TBC1D22A: variants seen among roughly 807,000 people sequenced by gnomAD.
The protein encoded by TBC1D22A is TBC1 domain family member 22A, also known as putative GTPase activator.
A neutral mutation model predicts 60.2 loss-of-function variants in TBC1D22A; 38 were observed. That is an observed-to-expected ratio of 0.63 (90% CI 0.49 to 0.83). The LOEUF is 0.83. Among genes scored for constraint, TBC1D22A ranks in the 40% least tolerant of loss-of-function variants. TBC1D22A has a pLI of 0.00. For missense variants in TBC1D22A, 628 were observed against 701.0 expected, an observed-to-expected ratio of 0.90 and a Z score of 1.18; for synonymous variants, 302 against 281.7, an observed-to-expected ratio of 1.07 and a Z score of -0.72.
chr22:47,018,248 G>T (rs752157128), intron 10 of TBC1D22A, among the ~76,000 whole-genome samples: 1 of 152,248 alleles, frequency 6.6e-6, no homozygotes, highest in African/African-American at 2.4e-5. Context: ...CCTGTGTTTC[G>T]TCTGCAGCGG....
At chr22:46,921,757 T>G (rs1484465773) in intron 8 of TBC1D22A, among the ~76,000 whole-genome samples, 1 of 152,210 alleles carries the variant, frequency 6.6e-6, no homozygotes, top group Admixed American at 6.5e-5. Context: ...ATCTGTTTTT[T>G]TTTTTGACTT....
chr22:47,115,293 G>A (rs187790259), intron 12 of TBC1D22A, among the ~76,000 whole-genome samples: 5 of 152,158 alleles, frequency 3.3e-5, no homozygotes, highest in Admixed American at 2.0e-4. Context: ...TTGCTAATCC[G>A]CAGGCTATAT....
chr22:46,919,526 T>G (rs2070607080), intron 8 of TBC1D22A, among the ~76,000 whole-genome samples: 1 of 152,100 alleles, frequency 6.6e-6, no homozygotes, highest in Non-Finnish European at 1.5e-5. Context: ...CGTGTAGATA[T>G]GTGTTTCCAT....
intron 10 of TBC1D22A, among the ~76,000 whole-genome samples, chr22:47,016,613 C>T (rs1345327107): frequency 1.3e-5 from 2 of 152,286 alleles, no homozygotes; most frequent in East Asian, 1.9e-4. Context: ...AGAACTCTGC[C>T]GTCCCGAAGC....
chr22:46,782,501 G>A (rs1481920181), intron 1 of TBC1D22A, among the ~76,000 whole-genome samples: 1 of 152,180 alleles, frequency 6.6e-6, no homozygotes, highest in East Asian at 1.9e-4. Flanking sequence ...GAGATACCAC[G>A]TACATACCAC....
At chr22:46,932,619 G>T (rs1415050816) in intron 8 of TBC1D22A, among the ~76,000 whole-genome samples, 1 of 152,086 alleles carries the variant, frequency 6.6e-6, no homozygotes, top group Non-Finnish European at 1.5e-5. Flanking sequence ...GGAGCCTTGG[G>T]TGGGTGGCAA....
chr22:46,965,735 G>C (rs993466763), intron 8 of TBC1D22A, among the ~76,000 whole-genome samples: 1 of 152,350 alleles, frequency 6.6e-6, no homozygotes, highest in South Asian at 2.1e-4. Context: ...GCCTCATCCC[G>C]TCCCTGTGGC....
chr22:46,817,183 G>A (rs903778084), intron 4 of TBC1D22A, among the ~76,000 whole-genome samples: 1 of 151,734 alleles, frequency 6.6e-6, no homozygotes, highest in Non-Finnish European at 1.5e-5. Flanking sequence ...CCCATTGGCT[G>A]TAATAAGTGG....
chr22:46,978,570 G>A (rs1358161099), intron 9 of TBC1D22A, among the ~76,000 whole-genome samples: 1 of 152,150 alleles, frequency 6.6e-6, no homozygotes, highest in Non-Finnish European at 1.5e-5. Flanking sequence ...AGAAAATCCA[G>A]CATTACATAG....
At position 47,130,702 on chromosome 22, in the gene TBC1D22A, C is replaced by A. The variant is rs1240514245; in HGVS notation, c.1425+19099C>A. ...CATCTTGCTGGAGCAGTCTGTGGGACCCTGCGGTCTGCAAAACTCAAGGTT... is the reference window on the plus strand; with the variant it reads ...CATCTTGCTGGAGCAGTCTGTGGGAACCTGCGGTCTGCAAAACTCAAGGTT... On this transcript the variant is annotated intron_variant, in intron 12 of 12. Transcript: ENST00000337137. Among the ~76,000 whole-genome samples, 8 of 152,276 alleles carry A rather than the reference C, an allele frequency of 5.3e-5. No individual in the cohort carries two copies. The East Asian group carries it at 7.7e-4, about 15-fold the overall frequency.
intron 11 of TBC1D22A, among the ~76,000 whole-genome samples, chr22:47,042,430 GGAGA>G (rs10603078): frequency 1.3e-5 from 2 of 151,408 alleles, no homozygotes; most frequent in South Asian, 4.2e-4. Flanking sequence ...GGAAGAGAGA[GGAGA>G]GAGAGAGAGA....
chr22:46,815,246 G>A (rs1249856479), intron 4 of TBC1D22A, among the ~76,000 whole-genome samples: 2 of 152,304 alleles, frequency 1.3e-5, no homozygotes, highest in South Asian at 4.1e-4. Flanking sequence ...GCGAGGACTC[G>A]GTGTTAAACA....
chr22:47,071,873 G>C (rs1191766897), intron 11 of TBC1D22A, among the ~76,000 whole-genome samples: 1 of 152,150 alleles, frequency 6.6e-6, no homozygotes, highest in African/African-American at 2.4e-5. Flanking sequence ...GCCTCTCCCT[G>C]GGTTGTGATG....
rs139974462 is a variant in TBC1D22A, at chr22:46,981,094, G to A, written c.1125+6695G>A. Among the ~76,000 whole-genome samples, 404 of 152,328 alleles carry A rather than the reference G, an allele frequency of 2.7e-3. 1 individual carries two copies. Among genetic ancestry groups the A allele is most frequent in the African/African-American group, 8.9e-3 (369 of 41,564 alleles). ...GCCCATATGTAGCTGTGTAATAGCC[G>A]TGGAGCTATTAAATGAGATAGATTT... On this transcript the variant is annotated intron_variant, in intron 9 of 12. Transcript: ENST00000337137.
At chr22:46,826,622 C>T (rs2086078118) in intron 4 of TBC1D22A, among the ~76,000 whole-genome samples, 1 of 152,146 alleles carries the variant, frequency 6.6e-6, no homozygotes, top group African/African-American at 2.4e-5. Context: ...GGAGCTTGGG[C>T]ACCCAGGGCT....
At chr22:47,001,518 CTT>C (rs1210639091) in intron 10 of TBC1D22A, among the ~76,000 whole-genome samples, 1 of 150,124 alleles carries the variant, frequency 6.7e-6, no homozygotes, top group Non-Finnish European at 1.5e-5. Context: ...AAACTTACCT[CTT>C]GTTTCTGTCA....
At chr22:46,895,220 C>A (rs915643479) in intron 7 of TBC1D22A, among the ~76,000 whole-genome samples, 1 of 151,986 alleles carries the variant, frequency 6.6e-6, no homozygotes, top group Non-Finnish European at 1.5e-5. Context: ...CCCTGTGCAA[C>A]CCCCTTCCTG....
At chr22:47,019,240 G>T (rs965546557) in intron 10 of TBC1D22A, among the ~76,000 whole-genome samples, 2 of 152,228 alleles carry the variant, frequency 1.3e-5, no homozygotes, top group Non-Finnish European at 2.9e-5. Context: ...ACCTGCTCGT[G>T]CCTCCTACTC....
intron 8 of TBC1D22A, chr22:46,915,662 G>A (rs1314832997): frequency 2.2e-6 from 1 of 456,696 alleles, no homozygotes; most frequent in Non-Finnish European, 4.4e-6. Context: ...CGGGGTGTGG[G>A]ATTTCTCCAG....
Sources: allele counts gnomAD v4.1 joint callset (sites outside exome capture counted in the v4.1 genomes callset), GRCh38; gene constraint gnomAD v4.1.1; transcripts MANE v1.5; gene names NCBI Gene and HGNC (gene_info 2026-07-23, HGNC 2026-07-21).